The following HSPA12A variants were observed in gnomAD, a reference collection of about 807,000 sequenced individuals.
HSPA12A encodes heat shock 70 kDa protein 12A.
In HSPA12A, 28 loss-of-function variants were observed where a neutral mutation model predicts 69.2. That is an observed-to-expected ratio of 0.40 (90% CI 0.30 to 0.55). The LOEUF is 0.55. Among genes scored for constraint, HSPA12A ranks in the 20% least tolerant of loss-of-function variants. HSPA12A has a pLI of 0.38. For synonymous variants in HSPA12A, 345 were observed against 370.5 expected (o/e 0.93, Z 0.79); for missense variants, 686 against 900.7 (o/e 0.76, Z 3.05).
intron 2 of HSPA12A, among the ~76,000 whole-genome samples, chr10:116,762,843 T>C (rs1287483181): frequency 6.6e-6 from 1 of 152,330 alleles, no homozygotes; most frequent in East Asian, 1.9e-4. Flanking sequence ...TCCAGAGTGC[T>C]GGGATTACAG....
At chr10:116,811,058 C>T (rs1845169671) in intron 2 of HSPA12A, among the ~76,000 whole-genome samples, 1 of 152,128 alleles carries the variant, frequency 6.6e-6, no homozygotes, top group Non-Finnish European at 1.5e-5. Context: ...GAAGGAGCTA[C>T]CTGGGATGAG....
At position 116,776,050 on chromosome 10, in the gene HSPA12A, C is replaced by T. The variant is rs117909905; in HGVS notation, c.91+58885G>A. The stretch of plus-strand genomic sequence containing the variant: ...CCCTCTGGCCTCCAGTTAAGTGACC[C>T]ATCCCATTGGTCTCTGTCCACTGAG... On this transcript the variant is annotated intron_variant, in intron 2 of 12. Transcript: ENST00000635765. Among the ~76,000 whole-genome samples, 665 of 152,288 alleles carry T rather than the reference C, an allele frequency of 4.4e-3. 22 individuals carry two copies. In the East Asian group the frequency reaches 0.094, roughly 21 times the overall value.
chr10:116,804,089 G>A lies in HSPA12A; in HGVS notation c.91+30846C>T, dbSNP rs1057162709. 3.3e-5 allele frequency among the ~76,000 whole-genome samples: 5 copies of A among 152,124 alleles called. No homozygotes were observed. The South Asian group carries it at 6.2e-4, about 19-fold the overall frequency. ...TCTGTGCAGCTCCCTACGGTCGACA[G>A]GCACATACGCATTTATAGCCTTTGC... On this transcript the variant is annotated intron_variant, in intron 2 of 12. Transcript: ENST00000635765.
At chr10:116,707,486 A>G (rs1433657529) in intron 1 of HSPA12A, among the ~76,000 whole-genome samples, 7 of 152,162 alleles carry the variant, frequency 4.6e-5, no homozygotes, top group Admixed American at 4.6e-4. Context: ...TTAGAATTCG[A>G]CCAAATGAGA....
At chr10:116,850,207 G>C (rs1281066802), upstream of HSPA12A, 2 of 223,546 alleles carry the variant, frequency 8.9e-6, no homozygotes, top group African/African-American at 4.7e-5. Flanking sequence ...CATCCTACTG[G>C]CTCCTCTGCC....
At chr10:116,770,731 A>T (rs12265114) in intron 2 of HSPA12A, among the ~76,000 whole-genome samples, 4 of 152,044 alleles carry the variant, frequency 2.6e-5, no homozygotes, top group Non-Finnish European at 5.9e-5. Flanking sequence ...TGTTCCCATA[A>T]GCCCCTCCCC....
intron 1 of HSPA12A, among the ~76,000 whole-genome samples, chr10:116,835,975 C>T (rs1845701757): frequency 6.6e-6 from 1 of 152,126 alleles, no homozygotes; most frequent in South Asian, 2.1e-4. Flanking sequence ...TCCTTAATAA[C>T]AGTAAATGGG....
rs975729821 is a variant in HSPA12A, at chr10:116,796,817, T to C, written c.91+38118A>G. Among the ~76,000 whole-genome samples, 11 of 152,290 alleles carry C rather than the reference T, an allele frequency of 7.2e-5. No individual in the cohort carries two copies. In the East Asian group the frequency reaches 1.6e-3, roughly 21 times the overall value. Reference sequence around the variant, plus strand: ...AGGACAGCCCCAGGCTGAGGGTGACTGACCTTTCTGATTTGACAAGAGTGA... The same window carrying C: ...AGGACAGCCCCAGGCTGAGGGTGACCGACCTTTCTGATTTGACAAGAGTGA... On this transcript the variant is annotated intron_variant, in intron 2 of 12. Transcript: ENST00000635765.
intron 3 of HSPA12A, among the ~76,000 whole-genome samples, chr10:116,703,593 C>T (rs1272530448): frequency 2.0e-5 from 3 of 152,012 alleles, no homozygotes; most frequent in South Asian, 4.1e-4. Context: ...AGGAGCAATA[C>T]TAAATTCCAC....
intron 2 of HSPA12A, among the ~76,000 whole-genome samples, chr10:116,706,034 A>G (rs1408282590): frequency 1.3e-5 from 2 of 151,330 alleles, no homozygotes; most frequent in Admixed American, 1.3e-4. Flanking sequence ...AGCTGGGACT[A>G]TAGGCACCCG....
chr10:116,715,622 A>G (rs1432393743), intron 1 of HSPA12A, among the ~76,000 whole-genome samples: 1 of 152,224 alleles, frequency 6.6e-6, no homozygotes, highest in African/African-American at 2.4e-5. Flanking sequence ...ATGAGGCTTC[A>G]GTATAATATT....
At chr10:116,786,105 G>A (rs1438507348) in intron 2 of HSPA12A, among the ~76,000 whole-genome samples, 11 of 152,182 alleles carry the variant, frequency 7.2e-5, no homozygotes. Flanking sequence ...GCCCCACGTG[G>A]AGCCTCTCGG....
At chr10:116,849,833 T>C, upstream of HSPA12A, 1 of 1,329,788 alleles carries the variant, frequency 7.5e-7, no homozygotes, top group Non-Finnish European at 1.0e-6. Context: ...GAATCTCGCA[T>C]GCCAGCCGCC....
chr10:116,810,991 T>C (rs1845167761), intron 2 of HSPA12A, among the ~76,000 whole-genome samples: 1 of 152,006 alleles, frequency 6.6e-6, no homozygotes. Context: ...ACAAAGATAA[T>C]CACCGGCTGT....
At chr10:116,738,577 G>C (rs1851383053) in intron 1 of HSPA12A, among the ~76,000 whole-genome samples, 1 of 152,120 alleles carries the variant, frequency 6.6e-6, no homozygotes, top group African/African-American at 2.4e-5. Flanking sequence ...CAGCCTCACA[G>C]GGTTGCTGGA....
intron 1 of HSPA12A, among the ~76,000 whole-genome samples, chr10:116,736,557 AGAGGT>A (rs1301098673): frequency 6.6e-6 from 1 of 152,202 alleles, no homozygotes; most frequent in Non-Finnish European, 1.5e-5. Context: ...AGGCCTAATA[AGAGGT>A]CCTCATACAA....
At chr10:116,730,069 G>C (rs1287090400) in intron 1 of HSPA12A, among the ~76,000 whole-genome samples, 1 of 152,200 alleles carries the variant, frequency 6.6e-6, no homozygotes, top group Non-Finnish European at 1.5e-5. Flanking sequence ...TATAATCCCA[G>C]CTACTTGGGA....
At chr10:116,825,609 C>T (rs1845487945) in intron 2 of HSPA12A, among the ~76,000 whole-genome samples, 1 of 152,170 alleles carries the variant, frequency 6.6e-6, no homozygotes, top group Non-Finnish European at 1.5e-5. Context: ...CAAAAGAATG[C>T]ATCCTGTATG....
At chr10:116,740,363 C>T (rs1253565429) in intron 1 of HSPA12A, among the ~76,000 whole-genome samples, 2 of 152,060 alleles carry the variant, frequency 1.3e-5, no homozygotes, top group Non-Finnish European at 1.5e-5. Flanking sequence ...AGGGGCAAGC[C>T]AACTCTGCTC....
Sources: allele counts gnomAD v4.1 joint callset (sites outside exome capture counted in the v4.1 genomes callset), GRCh38; gene constraint gnomAD v4.1.1; transcripts MANE v1.5; gene names NCBI Gene and HGNC (gene_info 2026-07-23, HGNC 2026-07-21).